LRRC37A2: variants seen among roughly 807,000 people sequenced by gnomAD.
The protein encoded by LRRC37A2 is leucine rich repeat containing 37 member A2.
In LRRC37A2, 9 loss-of-function variants were observed where a neutral mutation model predicts 68.8. The observed-to-expected ratio is 0.13, with a 90% CI of 0.08 to 0.23. LRRC37A2 has a LOEUF of 0.23. Ranked by LOEUF, LRRC37A2 falls within the 10% of genes least tolerant of loss-of-function variation. LRRC37A2 has a pLI of 1.00. For missense variants in LRRC37A2, 168 were observed against 950.4 expected (o/e 0.18, Z 10.82); for synonymous variants, 63 against 367.6 (o/e 0.17, Z 9.48).
At chr17:46,821,214 C>G in the LRRC37A2 span, 1 of 152,278 alleles carries the variant, frequency 6.6e-6, no homozygotes, top group Non-Finnish European at 1.5e-5. Flanking sequence ...CCATGTGCGC[C>G]TGGGAAGTGA....
chr17:46,968,984 C>T, the LRRC37A2 span: 2 of 152,880 alleles, frequency 1.3e-5, no homozygotes, highest in African/African-American at 4.8e-5. Context: ...GAAAGCATCC[C>T]TGCCGACACC....
chr17:46,713,561 A>G, the LRRC37A2 span, among the ~76,000 whole-genome samples: 1 of 152,230 alleles, frequency 6.6e-6, no homozygotes, highest in Non-Finnish European at 1.5e-5. Flanking sequence ...CGTTCTTTTA[A>G]GAAGCAAAAC....
chr17:46,771,927 C>T, the LRRC37A2 span, among the ~76,000 whole-genome samples: 3 of 146,098 alleles, frequency 2.1e-5, no homozygotes, highest in Non-Finnish European at 4.6e-5. Flanking sequence ...CGCCTCGGGC[C>T]CGCCGCGCCG....
chr17:46,935,170 G>T, the LRRC37A2 span: 1 of 1,613,996 alleles, frequency 6.2e-7, no homozygotes, highest in Non-Finnish European at 8.5e-7. Flanking sequence ...GACCTTGAAG[G>T]TGGGGTCCCT....
the LRRC37A2 span, among the ~76,000 whole-genome samples, chr17:46,926,719 T>C: frequency 9.2e-5 from 14 of 152,240 alleles, no homozygotes; most frequent in Non-Finnish European, 2.1e-4. Context: ...ATACTTGCTT[T>C]GTTGTTTCAT....
chr17:46,998,880 G>A, the LRRC37A2 span: 1 of 151,688 alleles, frequency 6.6e-6, no homozygotes, highest in Non-Finnish European at 1.5e-5. Flanking sequence ...ATTCCTTGTT[G>A]CTGGCCTCTG....
At chr17:46,835,237 A>C in the LRRC37A2 span, among the ~76,000 whole-genome samples, 3 of 151,616 alleles carry the variant, frequency 2.0e-5, no homozygotes, top group Admixed American at 1.3e-4. Context: ...TTTGAGACAG[A>C]GTCTCACTCT....
At chr17:46,786,359 C>A in the LRRC37A2 span, among the ~76,000 whole-genome samples, 1 of 152,232 alleles carries the variant, frequency 6.6e-6, no homozygotes, top group African/African-American at 2.4e-5. Flanking sequence ...CACAGTCCCC[C>A]ACTTGGCACC....
At chr17:46,956,018 A>G in the LRRC37A2 span, among the ~76,000 whole-genome samples, 1 of 152,186 alleles carries the variant, frequency 6.6e-6, no homozygotes, top group Non-Finnish European at 1.5e-5. Flanking sequence ...TCCATGCCCC[A>G]TGGAGCCTCC....
the LRRC37A2 span, chr17:47,019,139 C>T: frequency 7.8e-7 from 1 of 1,288,078 alleles, no homozygotes; most frequent in Non-Finnish European, 1.1e-6. Context: ...CACATCCAGA[C>T]CAGGTTCAGA....
chr17:46,950,686 C>G, the LRRC37A2 span, among the ~76,000 whole-genome samples: 1 of 151,876 alleles, frequency 6.6e-6, no homozygotes, highest in Non-Finnish European at 1.5e-5. Context: ...CCTGCCTGCC[C>G]GGGGCCCTGC....
the LRRC37A2 span, among the ~76,000 whole-genome samples, chr17:46,755,159 T>C: frequency 6.6e-6 from 1 of 152,236 alleles, no homozygotes; most frequent in Admixed American, 6.5e-5. Context: ...CTGCTTTGTT[T>C]TGTGTGAGAA....
the LRRC37A2 span, chr17:46,773,990 C>T: frequency 6.5e-7 from 1 of 1,546,248 alleles, no homozygotes; most frequent in Non-Finnish European, 8.7e-7. Flanking sequence ...TTTGTGAACC[C>T]TCCGGGGTAG....
intron 6 of LRRC37A2, among the ~76,000 whole-genome samples, chr17:46,525,617 C>A (rs56025260): frequency 0.6 from 63,138 of 104,576 alleles, 14,362 homozygotes; most frequent in East Asian, 0.83. Flanking sequence ...TAATAATAAT[C>A]ATCATCATCA....
At chr17:46,840,015 C>CT in the LRRC37A2 span, among the ~76,000 whole-genome samples, 1 of 86,406 alleles carries the variant, frequency 1.2e-5, no homozygotes, top group East Asian at 7.6e-4. Flanking sequence ...TTCTTTCTTT[C>CT]TTTCTTTCTT....
chr17:46,904,515 TGATG>T, the LRRC37A2 span, among the ~76,000 whole-genome samples: 677 of 146,272 alleles, frequency 4.6e-3, 4 homozygotes, highest in African/African-American at 0.014. Context: ...GCTGGACGGA[TGATG>T]GATGGATGGA....
the LRRC37A2 span, among the ~76,000 whole-genome samples, chr17:46,803,426 C>T: frequency 4.6e-5 from 7 of 152,110 alleles, no homozygotes; most frequent in African/African-American, 9.7e-5. Flanking sequence ...CCCAGCTACT[C>T]GCAAGGCTCA....
At chr17:46,726,411 A>G in the LRRC37A2 span, 23 of 785,262 alleles carry the variant, frequency 2.9e-5, no homozygotes, top group Admixed American at 1.2e-4. Context: ...CAGTGTGTCA[A>G]TTCTAATTTA....
the LRRC37A2 span, among the ~76,000 whole-genome samples, chr17:46,985,486 C>T: frequency 6.7e-6 from 1 of 150,054 alleles, no homozygotes; most frequent in Non-Finnish European, 1.5e-5. Flanking sequence ...CACCATTGCA[C>T]TCCAGCCTGG....
Sources: allele counts gnomAD v4.1 joint callset (sites outside exome capture counted in the v4.1 genomes callset), GRCh38; gene constraint gnomAD v4.1.1; transcripts MANE v1.5; gene names NCBI Gene and HGNC (gene_info 2026-07-23, HGNC 2026-07-21).